DPYSL5: variants seen among roughly 807,000 people sequenced by gnomAD.
DPYSL5 encodes dihydropyrimidinase-related protein 5.
In DPYSL5, 9 loss-of-function variants were observed where a neutral mutation model predicts 58.4. The ratio of observed to expected loss-of-function variants is 0.15; its 90% CI spans 0.09 to 0.27. The LOEUF (loss-of-function observed/expected upper bound fraction) is 0.27, where lower values mean the gene tolerates loss of function less well. Among genes scored for constraint, DPYSL5 ranks in the 10% least tolerant of loss-of-function variants. The pLI is 1.00. For missense variants in DPYSL5, 499 were observed against 770.6 expected (o/e 0.65, Z 4.17); for synonymous variants, 293 against 301.9 (o/e 0.97, Z 0.31).
At chr2:26,900,600 G>A (rs1014629260) in intron 2 of DPYSL5, among the ~76,000 whole-genome samples, 17 of 152,136 alleles carry the variant, frequency 1.1e-4, no homozygotes, top group African/African-American at 2.2e-4. Context: ...ACATACTCCC[G>A]GGAATGGAAT....
At chr2:26,922,981 G>A (rs770019525) in intron 2 of DPYSL5, among the ~76,000 whole-genome samples, 9 of 152,158 alleles carry the variant, frequency 5.9e-5, no homozygotes, top group South Asian at 2.1e-4. Context: ...CCCAGCCTGC[G>A]TCATGGAACA....
At chr2:26,876,451 A>C (rs1169621620) in intron 1 of DPYSL5, among the ~76,000 whole-genome samples, 1 of 152,364 alleles carries the variant, frequency 6.6e-6, no homozygotes, top group East Asian at 1.9e-4. Flanking sequence ...TAGAAGGGCC[A>C]GCAAGATATC....
intron 2 of DPYSL5, among the ~76,000 whole-genome samples, chr2:26,911,428 C>T (rs1192847805): frequency 6.6e-6 from 1 of 152,128 alleles, no homozygotes; most frequent in Non-Finnish European, 1.5e-5. Flanking sequence ...CATTCTCAGT[C>T]CTTAACATGG....
At chr2:26,890,069 GC>G (rs1303496550) in intron 1 of DPYSL5, among the ~76,000 whole-genome samples, 1 of 152,278 alleles carries the variant, frequency 6.6e-6, no homozygotes, top group East Asian at 1.9e-4. Context: ...GGTGCAATAG[GC>G]TTCCTACCAT....
At chr2:26,915,246 T>C (rs1664533812) in intron 2 of DPYSL5, among the ~76,000 whole-genome samples, 1 of 152,114 alleles carries the variant, frequency 6.6e-6, no homozygotes. Context: ...CTGCAGGGAA[T>C]GGTACCCCAT....
chr2:26,850,923 T>C (rs1455136855), intron 1 of DPYSL5, among the ~76,000 whole-genome samples: 1 of 152,174 alleles, frequency 6.6e-6, no homozygotes, highest in Non-Finnish European at 1.5e-5. Context: ...TCATTGGTTG[T>C]TTTTAACTAT....
intron 2 of DPYSL5, among the ~76,000 whole-genome samples, chr2:26,923,276 T>G (rs1572708609): frequency 6.6e-6 from 1 of 152,092 alleles, no homozygotes; most frequent in Admixed American, 6.6e-5. Flanking sequence ...GGCTGCAGTG[T>G]GCTATGATTG....
chr2:26,850,820 G>A (rs1418008193), intron 1 of DPYSL5, among the ~76,000 whole-genome samples: 2 of 152,166 alleles, frequency 1.3e-5, no homozygotes, highest in African/African-American at 4.8e-5. Context: ...GTCAGCAGTA[G>A]GCTATGTCTT....
At chr2:26,932,210 A>AGAC (rs1558351712) in intron 6 of DPYSL5, among the ~76,000 whole-genome samples, 17 of 26,524 alleles carry the variant, frequency 6.4e-4, no homozygotes, top group Non-Finnish European at 1.2e-3. Context: ...AAAGAAAGAA[A>AGAC]AGAAAGAAAG....
At chr2:26,884,530 A>T (rs997023238) in intron 1 of DPYSL5, among the ~76,000 whole-genome samples, 10 of 151,532 alleles carry the variant, frequency 6.6e-5, no homozygotes, top group South Asian at 2.1e-4. Flanking sequence ...TCACACACAC[A>T]CACACACACA....
chr2:26,890,951 C>T (rs1173021602), intron 1 of DPYSL5, among the ~76,000 whole-genome samples: 1 of 152,160 alleles, frequency 6.6e-6, no homozygotes, highest in Non-Finnish European at 1.5e-5. Context: ...CTCATTTAAC[C>T]CTTAAAACTT....
chr2:26,870,234 G>T (rs1258022251), intron 1 of DPYSL5, among the ~76,000 whole-genome samples: 1 of 152,118 alleles, frequency 6.6e-6, no homozygotes, highest in Non-Finnish European at 1.5e-5. Flanking sequence ...TATTACACTT[G>T]AGTCGTTTTG....
At chr2:26,880,499 G>A (rs145669746) in intron 1 of DPYSL5, among the ~76,000 whole-genome samples, 22 of 152,264 alleles carry the variant, frequency 1.4e-4, no homozygotes, top group African/African-American at 4.6e-4. Flanking sequence ...TCAGAGCCTC[G>A]ACCTCTTGCT....
intron 2 of DPYSL5, among the ~76,000 whole-genome samples, chr2:26,906,877 C>T (rs796684386): frequency 8.5e-5 from 13 of 152,268 alleles, no homozygotes; most frequent in African/African-American, 2.6e-4. Flanking sequence ...ACTCCCACCT[C>T]AGCCTCCTGA....
intron 1 of DPYSL5, among the ~76,000 whole-genome samples, chr2:26,894,964 T>A (rs879905006): frequency 6.6e-6 from 1 of 152,216 alleles, no homozygotes; most frequent in Non-Finnish European, 1.5e-5. Flanking sequence ...ATAATCCATT[T>A]TGAGTTCATT....
chr2:26,873,052 A>G lies in DPYSL5; in HGVS notation c.-5+24798A>G, dbSNP rs117781379. Among the ~76,000 whole-genome samples the G allele has an allele frequency of 1.6e-4, 24 of 152,140 alleles. No homozygotes were observed. The East Asian group carries it at 4.4e-3, about 28-fold the overall frequency. On this transcript the variant is annotated intron_variant, in intron 1 of 12. Coordinates refer to ENST00000288699, the MANE Select transcript of DPYSL5 (RefSeq NM_020134.4). ...AACAAGGGTTTCCCTTTCCTAAACC[A>G]TTTCCCCTTTTGTTTGAACTGCTAG...
chr2:26,867,746 C>T (rs1383163556), intron 1 of DPYSL5, among the ~76,000 whole-genome samples: 2 of 152,148 alleles, frequency 1.3e-5, no homozygotes, highest in Non-Finnish European at 2.9e-5. Context: ...TGAGCCACCG[C>T]GCCCGGCCCC....
chr2:26,909,337 G>C (rs1157070907), intron 2 of DPYSL5, among the ~76,000 whole-genome samples: 5 of 151,894 alleles, frequency 3.3e-5, no homozygotes, highest in Non-Finnish European at 5.9e-5. Context: ...ATTCACACTC[G>C]CTCTCACACA....
chr2:26,940,941 A>ATT lies in DPYSL5; in HGVS notation c.1089+777_1089+778dup, dbSNP rs548438479. Among the ~76,000 whole-genome samples the ATT allele has an allele frequency of 3.9e-3, 553 of 142,348 alleles. 5 individuals carry two copies. Among genetic ancestry groups the ATT allele is most frequent in the African/African-American group, 0.013 (481 of 38,316 alleles). The allele number at this position is 142,348 out of a possible 152,430, so 93.4% of individuals were successfully genotyped here. ...ATTATTATTATTATTATTATTATTT[A>ATT]TTTTTTTTTGTGTGTGATAGAATCT... On this transcript the variant is annotated intron_variant, in intron 9 of 12. Transcript: ENST00000288699.
Sources: gnomAD v4.1 joint callset for allele counts (sites outside exome capture counted in the v4.1 genomes callset) on GRCh38, gnomAD v4.1.1 for gene constraint, MANE v1.5 for transcripts, NCBI Gene and HGNC (gene_info 2026-07-23, HGNC 2026-07-21) for gene names.